The following IL27 variants were observed in gnomAD, a reference collection of about 807,000 sequenced individuals.
The protein encoded by IL27 is interleukin-27 subunit alpha.
In IL27, 11 loss-of-function variants were observed where a neutral mutation model predicts 27.0. The observed-to-expected ratio is 0.41, with a 90% CI of 0.26 to 0.67. The LOEUF (loss-of-function observed/expected upper bound fraction) is 0.67. Ranked by LOEUF, IL27 falls within the 30% of genes least tolerant of loss-of-function variation. IL27 has a pLI of 0.34. For missense variants in IL27, 299 were observed against 310.4 expected, an observed-to-expected ratio of 0.96 and a Z score of 0.28; for synonymous variants, 134 against 140.6, an observed-to-expected ratio of 0.95 and a Z score of 0.33.
At chr16:28,502,379 C>A (rs567545169) in intron 3 of IL27, among the ~76,000 whole-genome samples, 1 of 152,090 alleles carries the variant, frequency 6.6e-6, no homozygotes, top group African/African-American at 2.4e-5. Flanking sequence ...CTCTAACCCA[C>A]CCCCTCTCAG....
Position 28,499,362 on chromosome 16 carries a change from T to G in IL27, c.*289A>C. 2.7e-6 allele frequency: 1 copy of G among 374,774 alleles called. No homozygotes were observed. 23.2% of individuals were successfully genotyped at this position (374,774 alleles called of 1,614,324 possible). A position where few individuals can be genotyped will look rare whatever the true frequency, so the allele number is the denominator to read the frequency against. On this transcript the variant is annotated 3_prime_UTR_variant, in exon 5 of 5. Coordinates refer to ENST00000356897, the MANE Select transcript of IL27 (RefSeq NM_145659.3). ...CCCGAAGAGAAGCGGAGGCCAGGGG[T>G]GGATGAGAGTGCTTTATTGGGCACC...
At position 28,504,154 on chromosome 16, in the gene IL27, T is replaced by C. The variant is rs190985849; in HGVS notation, c.32-104A>G. The C allele has an allele frequency of 1.9e-4, 228 of 1,193,390 alleles. No homozygotes were observed. In the African/African-American group the frequency reaches 3.2e-3, roughly 17 times the overall value. The allele number at this position is 1,193,390 out of a possible 1,614,324, so 73.9% of individuals were successfully genotyped here. On this transcript the variant is annotated intron_variant, in intron 1 of 4. Transcript: ENST00000356897. ...TAGCTGTGAGCACGGTGCAGGCACT[T>C]TGACCAGCATCATTCCTCTGCCTCC...
At chr16:28,501,533 C>T (rs1002838477) in intron 4 of IL27, among the ~76,000 whole-genome samples, 111 of 148,682 alleles carry the variant, frequency 7.5e-4, no homozygotes, top group African/African-American at 2.7e-3. Flanking sequence ...CACATACACA[C>T]AGTCATGCTC....
intron 3 of IL27, among the ~76,000 whole-genome samples, chr16:28,502,518 C>T (rs2141737760): frequency 6.6e-6 from 1 of 152,026 alleles, no homozygotes; most frequent in East Asian, 1.9e-4. Flanking sequence ...TCCATCCTTC[C>T]TCCATGTGCC....
At chr16:28,504,486 A>T (rs2046450893) in intron 1 of IL27, among the ~76,000 whole-genome samples, 1 of 152,002 alleles carries the variant, frequency 6.6e-6, no homozygotes, top group Non-Finnish European at 1.5e-5. Flanking sequence ...AAAACAAAAC[A>T]AAACAAAACA....
In IL27 at chr16:28,504,006, C is replaced by T. The variant is rs752706651; in HGVS notation, c.76G>A (p.Val26Ile). 6.2e-6 allele frequency: 10 copies of T among 1,612,940 alleles called. No homozygotes were observed. Among genetic ancestry groups the T allele is most frequent in the Non-Finnish European group, 8.5e-6 (10 of 1,179,396 alleles). ...LLPLLLVQAG[V>I]WGFPRPPGRP... ...CCTGGGGGCCTTGGGAATCCCCAGA[C>T]ACCAGCTTGAACCAGGAGCAAGGGA... Residue 26 changes from valine to isoleucine, a missense_variant, in exon 2 of 5, where the codon GTC becomes ATC. Coordinates refer to ENST00000356897, the MANE Select transcript of IL27 (RefSeq NM_145659.3).
chr16:28,503,695 A>G lies in IL27; in HGVS notation c.303T>C (p.Ser101=). ...SLTFQAWRRL[S]DPERLCFIST... is the part of the protein sequence containing the mutation. ...CCCCACTCCACCAGCCCTCACTCACAGAGAGGCGGCGCCAGGCCTGGAAGG... is the reference window on the plus strand; with the variant it reads ...CCCCACTCCACCAGCCCTCACTCACGGAGAGGCGGCGCCAGGCCTGGAAGG... Residue 101 remains serine, a splice_region_variant and synonymous_variant, in exon 3 of 5, where the codon TCT becomes TCC. Coordinates refer to ENST00000356897, the MANE Select transcript of IL27 (RefSeq NM_145659.3). The G allele has an allele frequency of 6.2e-7, 1 of 1,605,504 alleles. No individual in the cohort carries two copies. The highest frequency in any genetic ancestry group is 2.2e-5 in the East Asian group (1 of 44,810).
Position 28,502,109 on chromosome 16 carries a change from G to A in IL27, c.329C>T (p.Ser110Phe). 6.2e-7 allele frequency: 1 copy of A among 1,612,220 alleles called. No individual in the cohort carries two copies. Reference protein sequence around the residue: ...LSDPERLCFISTTLQPFHALL... With the variant: ...LSDPERLCFIFTTLQPFHALL... The stretch of plus-strand genomic sequence containing the variant: ...GGCATGGAAGGGCTGAAGCGTGGTG[G>A]AGATGAAGCAGAGACGCTCCGGGTC... Residue 110 changes from serine to phenylalanine, a missense_variant, in exon 4 of 5, where the codon TCC (serine) becomes TTC (phenylalanine). Physicochemically the swap from Ser to Phe is radical, Grantham distance 155. Transcript: ENST00000356897.
rs2141737457 is a variant in IL27, at chr16:28,502,101, G to T, written c.337C>A (p.Leu113Ile). The T allele has an allele frequency of 6.2e-7, 1 of 1,612,928 alleles. No individual in the cohort carries two copies. Among genetic ancestry groups the T allele is most frequent in the Non-Finnish European group, 8.5e-7 (1 of 1,179,502 alleles). The part of the protein sequence containing the change: ...PERLCFISTT[L>I]QPFHALLGGL... ...CCCAGCAGGGCATGGAAGGGCTGAA[G>T]CGTGGTGGAGATGAAGCAGAGACGC... The change falls in exon 4 of 5, where the codon CTT becomes ATT. Residue 113 changes from leucine to isoleucine, a missense_variant. Coordinates refer to ENST00000356897, the MANE Select transcript of IL27 (RefSeq NM_145659.3).
At chr16:28,502,172 C>T in intron 3 of IL27, 38 bp from the exon 4 acceptor site, 3 of 1,531,472 alleles carry the variant, frequency 2.0e-6, no homozygotes, top group Non-Finnish European at 2.7e-6. Context: ...GGTCCACAGG[C>T]CAAGGATGGC....
rs778111614 is a variant in IL27, at chr16:28,506,800, C to T, written c.12G>A (p.Thr4=). 6.8e-5 allele frequency: 110 copies of T among 1,612,126 alleles called. No homozygotes were observed. The highest frequency in any genetic ancestry group is 1.8e-4 in the Admixed American group (11 of 59,754). ...ACTCACGCCAGCCAAGGTCGCCTGC[C>T]GTCTGGCCCATGGCGGGGCCCAGCC... MGQ[T]AGDLGWRLSL... Residue 4 remains threonine (T), a synonymous_variant, in exon 1 of 5, where the codon ACG becomes ACA. Transcript: ENST00000356897.
chr16:28,506,683 T>G, intron 1 of IL27, 98 bp downstream of exon 1: 1 of 1,232,356 alleles, frequency 8.1e-7, no homozygotes, highest in Non-Finnish European at 1.1e-6. Context: ...TTGGCCAAGT[T>G]GCTGCTCTCA....
Position 28,499,524 on chromosome 16 carries a change from A to G in IL27, c.*127T>C, listed in dbSNP as rs40837. The G allele has an allele frequency of 0.44, 289,737 of 657,670 alleles. 65,916 individuals are homozygous for G. The highest frequency in any genetic ancestry group is 0.53 in the Admixed American group (18,383 of 34,942). The allele number at this position is 657,670 out of a possible 1,614,324, so 40.7% of individuals were successfully genotyped here. A position where few individuals can be genotyped will look rare whatever the true frequency, so the allele number is the denominator to read the frequency against. On this transcript the variant is annotated 3_prime_UTR_variant, in exon 5 of 5. Coordinates refer to ENST00000356897, the MANE Select transcript of IL27 (RefSeq NM_145659.3). The stretch of plus-strand genomic sequence containing the variant: ...AGAGGGGCTTTCAGTTACTGGGTAG[A>G]GCCTGGGGCAGGGGGCTGGAAGAGC...
At chr16:28,505,553 G>A (rs1471026804) in intron 1 of IL27, among the ~76,000 whole-genome samples, 1 of 152,064 alleles carries the variant, frequency 6.6e-6, no homozygotes, top group African/African-American at 2.4e-5. Flanking sequence ...CCTGACCTCA[G>A]GTGATCCGCC....
At chr16:28,500,543 G>A (rs2046424195) in intron 4 of IL27, among the ~76,000 whole-genome samples, 1 of 151,846 alleles carries the variant, frequency 6.6e-6, no homozygotes. Flanking sequence ...CTAAAGTGCT[G>A]GGATTCCAGG....
intron 3 of IL27, among the ~76,000 whole-genome samples, chr16:28,502,412 C>T (rs909910467): frequency 1.2e-4 from 19 of 152,018 alleles, no homozygotes; most frequent in African/African-American, 4.6e-4. Context: ...TCTCCATCCA[C>T]AGCCCTGTTC....
At chr16:28,505,146 C>T (rs2046454292) in intron 1 of IL27, among the ~76,000 whole-genome samples, 1 of 152,184 alleles carries the variant, frequency 6.6e-6, no homozygotes, top group South Asian at 2.1e-4. Flanking sequence ...GTGGGCACAC[C>T]ATGTTCTGGC....
intron 2 of IL27, 30 bp from the exon 3 acceptor site, chr16:28,503,823 A>C: frequency 1.2e-6 from 2 of 1,612,096 alleles, no homozygotes; most frequent in Non-Finnish European, 1.7e-6. Context: ...AGTGGGGGCC[A>C]GAAGGGATTG....
intron 1 of IL27, among the ~76,000 whole-genome samples, chr16:28,505,689 C>A (rs543809678): frequency 6.6e-6 from 1 of 152,048 alleles, no homozygotes; most frequent in Non-Finnish European, 1.5e-5. Context: ...GATGGGCGCT[C>A]TAGGAAGAGG....
Sources: gnomAD v4.1 joint callset for allele counts (sites outside exome capture counted in the v4.1 genomes callset) on GRCh38, gnomAD v4.1.1 for gene constraint, MANE v1.5 for transcripts, NCBI Gene and HGNC (gene_info 2026-07-23, HGNC 2026-07-21) for gene names.